The following TMEM184B variants were observed in gnomAD, a reference collection of about 807,000 sequenced individuals.
The protein encoded by TMEM184B is transmembrane protein 184B, also known as putative MAPK-activating protein FM08.
In TMEM184B, 17 loss-of-function variants were observed where a neutral mutation model predicts 41.8. The observed-to-expected ratio is 0.41, with a 90% confidence interval of 0.28 to 0.61. The LOEUF (loss-of-function observed/expected upper bound fraction) is 0.61. Among genes scored for constraint, TMEM184B ranks in the 20% least tolerant of loss-of-function variants. The pLI, the probability that TMEM184B is intolerant of heterozygous loss-of-function variation, is 0.34. For synonymous variants in TMEM184B, 240 were observed against 229.5 expected, an observed-to-expected ratio of 1.05 and a Z score of -0.41; for missense variants, 393 against 557.8, an observed-to-expected ratio of 0.70 and a Z score of 2.98.
chr22:38,233,258 C>T (rs1325795789), intron 3 of TMEM184B, among the ~76,000 whole-genome samples: 1 of 152,216 alleles, frequency 6.6e-6, no homozygotes, highest in Admixed American at 6.5e-5. Context: ...CTGACCACGC[C>T]TTGTTGTGAC....
rs943942709 is a variant in TMEM184B at position 38,225,951 on chromosome 22, C to A, written c.618-358G>T. The stretch of plus-strand genomic sequence containing the variant: ...TAGGTGACGCTGCTCAGCTCTGCTG[C>A]CTTTTCACTCGGTCGGCTGCATCCC... On this transcript the variant is annotated intron_variant, in intron 6 of 8. Transcript: ENST00000361906. This position sits in a 1 kb window ranked among gnomAD's most constrained non-coding sequence, Gnocchi z 4.4. Among the ~76,000 whole-genome samples, 1 of 152,224 alleles carries A rather than the reference C, an allele frequency of 6.6e-6. No homozygotes were observed. Among genetic ancestry groups the A allele is most frequent in the Non-Finnish European group, 1.5e-5 (1 of 68,048 alleles).
chr22:38,220,847 G>A lies in TMEM184B; in HGVS notation c.*622C>T. 1.0e-6 allele frequency: 1 copy of A among 986,130 alleles called. No individual in the cohort carries two copies. Among genetic ancestry groups the A allele is most frequent in the Non-Finnish European group, 1.2e-6 (1 of 830,144 alleles). 61.1% of individuals were successfully genotyped at this position (986,130 alleles called of 1,614,324 possible). ...GCTTCAACAGAAGCGGTGCCCAGGG[G>A]CCCTGAATGCCCTTCCTGGGTGGGG... On this transcript the variant is annotated 3_prime_UTR_variant, in exon 9 of 9. Transcript: ENST00000361906.
At position 38,219,914 on chromosome 22, in the gene TMEM184B, G is replaced by A; in HGVS notation, c.*1555C>T. 2 of 985,450 alleles carry A rather than the reference G, an allele frequency of 2.0e-6. No individual in the cohort carries two copies. The highest frequency in any genetic ancestry group is 2.4e-6 in the Non-Finnish European group (2 of 829,954). The allele number at this position is 985,450 out of a possible 1,614,324, so 61.0% of individuals were successfully genotyped here. A position where few individuals can be genotyped will look rare whatever the true frequency, so the allele number is the denominator to read the frequency against. On this transcript the variant is annotated 3_prime_UTR_variant, in exon 9 of 9. Transcript: ENST00000361906. Reference sequence around the variant, plus strand: ...CATGCAGGCCTCTGCCACGAGGAAAGGAAGGAGGCCAGGAAGACGGCTGGG... The same window carrying A: ...CATGCAGGCCTCTGCCACGAGGAAAAGAAGGAGGCCAGGAAGACGGCTGGG...
chr22:38,225,344 G>A lies in TMEM184B; in HGVS notation c.787+80C>T. The A allele has an allele frequency of 6.8e-7, 1 of 1,472,866 alleles. No homozygotes were observed. 91.2% of individuals were successfully genotyped at this position (1,472,866 alleles called of 1,614,324 possible). A position where few individuals can be genotyped will look rare whatever the true frequency, so the allele number is the denominator to read the frequency against. ...CTGAACAGGCCCTACAGGCACCAGG[G>A]ACCATAAGCAGAAGGGGCAGCAGGA... On this transcript the variant is annotated intron_variant, in intron 7 of 8. Coordinates refer to ENST00000361906, the MANE Select transcript of TMEM184B (RefSeq NM_012264.5). This position sits in a 1 kb window ranked among gnomAD's most constrained non-coding sequence, Gnocchi z 4.4.
intron 1 of TMEM184B, among the ~76,000 whole-genome samples, chr22:38,263,859 C>A (rs116946145): frequency 0.011 from 1,636 of 152,296 alleles, 50 homozygotes; most frequent in Admixed American, 0.071. Flanking sequence ...GGCTGAAGTG[C>A]GGTGATGCAA....
rs1346705829 is a variant in TMEM184B at position 38,230,660 on chromosome 22, G to A, written c.525+9C>T. 3 of 1,607,840 alleles carry A rather than the reference G, an allele frequency of 1.9e-6. No individual in the cohort carries two copies. The highest frequency in any genetic ancestry group is 1.3e-5 in the African/African-American group (1 of 74,978). On this transcript the variant is annotated intron_variant, in intron 5 of 8. Transcript: ENST00000361906. Reference sequence around the variant, plus strand: ...CCTCCTGAGCTAGGCAGCTGCTGGGGGCACACACCTGTTTGCAGAACCTCA... The same window carrying A: ...CCTCCTGAGCTAGGCAGCTGCTGGGAGCACACACCTGTTTGCAGAACCTCA...
At chr22:38,263,919 C>T (rs2092407668) in intron 1 of TMEM184B, among the ~76,000 whole-genome samples, 1 of 152,196 alleles carries the variant, frequency 6.6e-6, no homozygotes, top group African/African-American at 2.4e-5. Context: ...ATTCTTCTGC[C>T]TCAGCCTCCC....
intron 1 of TMEM184B, among the ~76,000 whole-genome samples, chr22:38,249,050 G>A (rs6001070): frequency 0.061 from 9,225 of 152,104 alleles, 809 homozygotes; most frequent in African/African-American, 0.19. Flanking sequence ...TAGCCATTCC[G>A]CATCCTCGAA....
At chr22:38,271,417 G>A (rs554426443) in intron 1 of TMEM184B, among the ~76,000 whole-genome samples, 2 of 152,288 alleles carry the variant, frequency 1.3e-5, no homozygotes, top group South Asian at 2.1e-4. Context: ...TCAGTTTACC[G>A]CATCTGCAAA....
chr22:38,238,850 C>A (rs773054332), intron 3 of TMEM184B, among the ~76,000 whole-genome samples: 3 of 152,196 alleles, frequency 2.0e-5, no homozygotes, highest in African/African-American at 4.8e-5. Context: ...TCACTCTGGA[C>A]AAGTTTCAGA....
intron 1 of TMEM184B, among the ~76,000 whole-genome samples, chr22:38,248,802 T>C (rs1025188469): frequency 6.6e-6 from 1 of 152,216 alleles, no homozygotes; most frequent in African/African-American, 2.4e-5. Context: ...CTTTATACCC[T>C]GGAGCCAGTA....
chr22:38,263,908 G>T (rs999420428), intron 1 of TMEM184B, among the ~76,000 whole-genome samples: 1 of 152,150 alleles, frequency 6.6e-6, no homozygotes, highest in Admixed American at 6.5e-5. Flanking sequence ...AAGTTCAAGC[G>T]ATTCTTCTGC....
intron 1 of TMEM184B, among the ~76,000 whole-genome samples, chr22:38,263,403 G>A (rs2092399253): frequency 6.6e-6 from 1 of 152,070 alleles, no homozygotes; most frequent in Non-Finnish European, 1.5e-5. Flanking sequence ...TTACACTGAT[G>A]GCAGCTCCGA....
chr22:38,233,767 T>A (rs2091697832), intron 3 of TMEM184B, among the ~76,000 whole-genome samples: 1 of 151,982 alleles, frequency 6.6e-6, no homozygotes, highest in Non-Finnish European at 1.5e-5. Flanking sequence ...GTTGTTTTTG[T>A]TTTTTGTTTT....
chr22:38,220,554 G>A lies in TMEM184B; in HGVS notation c.*915C>T, dbSNP rs113622885. 21 of 985,842 alleles carry A rather than the reference G, an allele frequency of 2.1e-5. No individual in the cohort carries two copies. In the South Asian group the frequency reaches 5.2e-4, roughly 24 times the overall value. 61.1% of individuals were successfully genotyped at this position (985,842 alleles called of 1,614,324 possible). A position where few individuals can be genotyped will look rare whatever the true frequency, so the allele number is the denominator to read the frequency against. On this transcript the variant is annotated 3_prime_UTR_variant, in exon 9 of 9. Coordinates refer to ENST00000361906, the MANE Select transcript of TMEM184B (RefSeq NM_012264.5). ...CTTCCCCCAGAAGCTGGTCTGAAACGTGGAGACTCAGACCTTTCCCCTGAA... is the reference window on the plus strand; with the variant it reads ...CTTCCCCCAGAAGCTGGTCTGAAACATGGAGACTCAGACCTTTCCCCTGAA...
chr22:38,245,896 G>GCC, intron 3 of TMEM184B, 39 bp downstream of exon 3: 1 of 536,180 alleles, frequency 1.9e-6, no homozygotes. Flanking sequence ...CAGCCCCCCA[G>GCC]CCCCCCGCCA....
At chr22:38,265,268 C>A (rs954499994) in intron 1 of TMEM184B, among the ~76,000 whole-genome samples, 8 of 152,252 alleles carry the variant, frequency 5.3e-5, no homozygotes, top group Non-Finnish European at 8.8e-5. Context: ...CTCAGCCCAA[C>A]TACCCTTGTT....
intron 5 of TMEM184B, among the ~76,000 whole-genome samples, chr22:38,229,216 G>A (rs1243916739): frequency 6.6e-5 from 10 of 152,218 alleles, no homozygotes; most frequent in Admixed American, 4.6e-4. Context: ...TACTCTTGGC[G>A]AAGCTGGAGG....
chr22:38,221,104 G>A lies in TMEM184B; in HGVS notation c.*365C>T, dbSNP rs1352747024. The stretch of plus-strand genomic sequence containing the variant: ...TTGCCGACCTCAGCCTGAGAGTCTC[G>A]CGGGGAGGAGGGGCTAGAAGGCTGC... On this transcript the variant is annotated 3_prime_UTR_variant, in exon 9 of 9. Coordinates refer to ENST00000361906, the MANE Select transcript of TMEM184B (RefSeq NM_012264.5). 2.9e-5 allele frequency: 32 copies of A among 1,087,794 alleles called. No individual in the cohort carries two copies. In the South Asian group the frequency reaches 7.6e-4, roughly 26 times the overall value. 67.4% of individuals were successfully genotyped at this position (1,087,794 alleles called of 1,614,324 possible).
Sources: allele counts gnomAD v4.1 joint callset (sites outside exome capture counted in the v4.1 genomes callset), GRCh38; gene constraint gnomAD v4.1.1; non-coding constraint Gnocchi (gnomAD v3.1); transcripts MANE v1.5; gene names NCBI Gene and HGNC (gene_info 2026-07-23, HGNC 2026-07-21).